The following FMN2 variants were observed in gnomAD, a reference collection of about 807,000 sequenced individuals.
FMN2 encodes formin 2, also known as formin-2.
FMN2 carries 51 observed loss-of-function variants against 142.3 expected under a neutral mutation model. The ratio of observed to expected loss-of-function variants is 0.36; its 90% CI spans 0.29 to 0.45. The LOEUF (loss-of-function observed/expected upper bound fraction) is 0.45. Among genes scored for constraint, FMN2 ranks in the 20% least tolerant of loss-of-function variants. FMN2 has a pLI of 1.00. For synonymous variants in FMN2, 882 were observed against 869.8 expected (o/e 1.01, Z -0.25); for missense variants, 1,936 against 2,122.8 (o/e 0.91, Z 1.73).
At chr1:240,352,640 C>T (rs765440039) in intron 13 of FMN2, among the ~76,000 whole-genome samples, 3 of 152,122 alleles carry the variant, frequency 2.0e-5, no homozygotes, top group African/African-American at 7.2e-5. Context: ...TGTCACCTGA[C>T]GTTGCTAGAA....
chr1:240,321,444 G>A (rs1670969831), intron 8 of FMN2, among the ~76,000 whole-genome samples: 1 of 152,124 alleles, frequency 6.6e-6, no homozygotes, highest in Non-Finnish European at 1.5e-5. Flanking sequence ...TTTATTTTTA[G>A]TAATCCAAAA....
chr1:240,185,973 G>T (rs913539214), intron 3 of FMN2, among the ~76,000 whole-genome samples: 2 of 152,190 alleles, frequency 1.3e-5, no homozygotes, highest in Non-Finnish European at 2.9e-5. Context: ...TAAGTTCAGA[G>T]TAGAGATTTG....
intron 7 of FMN2, among the ~76,000 whole-genome samples, chr1:240,289,429 A>T (rs1436867753): frequency 1.3e-5 from 2 of 152,168 alleles, no homozygotes; most frequent in African/African-American, 4.8e-5. Flanking sequence ...GCACTTTGGA[A>T]GCCTGAGGTG....
chr1:240,232,849 A>G (rs537610694), intron 6 of FMN2, among the ~76,000 whole-genome samples: 5 of 152,182 alleles, frequency 3.3e-5, no homozygotes, highest in African/African-American at 1.2e-4. Context: ...CCGCTAGGCC[A>G]CCCAGGACTT....
At chr1:240,447,529 C>T (rs1675867286) in intron 16 of FMN2, among the ~76,000 whole-genome samples, 1 of 152,166 alleles carries the variant, frequency 6.6e-6, no homozygotes, top group Non-Finnish European at 1.5e-5. Flanking sequence ...TGGTAAAAAA[C>T]ACAGACAGTA....
intron 14 of FMN2, among the ~76,000 whole-genome samples, chr1:240,388,491 A>G (rs915245818): frequency 6.6e-6 from 1 of 152,034 alleles, no homozygotes; most frequent in African/African-American, 2.4e-5. Context: ...AAGTATAAGC[A>G]TTTACAAAAA....
rs76082052 is a variant in FMN2 at position 240,331,160 on chromosome 1, A to G, written c.4584+411A>G. On this transcript the variant is annotated intron_variant, in intron 11 of 17. Transcript: ENST00000319653. ...TTGTCATGTTAAGCAATGAAGGCCA[A>G]TAGGTCCATATTTTGAAAATAACAC... Among the ~76,000 whole-genome samples the G allele has an allele frequency of 7.7e-4, 117 of 152,224 alleles. 1 individual carries two copies. Among genetic ancestry groups the G allele is most frequent in the African/African-American group, 2.2e-3 (92 of 41,560 alleles).
chr1:240,305,628 G>A (rs147688300), intron 8 of FMN2, among the ~76,000 whole-genome samples: 5 of 152,246 alleles, frequency 3.3e-5, no homozygotes, highest in East Asian at 1.9e-4. Context: ...ATAGTATTAC[G>A]TGGTTTGGAA....
At chr1:240,289,597 T>C (rs561414447) in intron 7 of FMN2, among the ~76,000 whole-genome samples, 4 of 152,188 alleles carry the variant, frequency 2.6e-5, no homozygotes, top group African/African-American at 7.2e-5. Context: ...AGAAGATTGC[T>C]TGAACCCAGG....
rs1162480611 is a variant in FMN2 at position 240,207,285 on chromosome 1, C to T, written c.2473C>T (p.Pro825Ser). The T allele has an allele frequency of 6.2e-6, 10 of 1,613,842 alleles. No individual in the cohort carries two copies. Among genetic ancestry groups the T allele is most frequent in the Non-Finnish European group, 8.5e-6 (10 of 1,179,936 alleles). The change falls in exon 5 of 18, where the codon CCT becomes TCT. Residue 825 changes from proline to serine, a missense_variant. Pro to Ser is a moderately conservative substitution (Grantham distance 74). Coordinates refer to ENST00000319653, the MANE Select transcript of FMN2 (RefSeq NM_020066.5). ...TCTGTGGTCTGCTGGGCAAGGACAG[C>T]CTGGGTCACAGCCGCCCCATTCTAT... ...SLLWSAGQGQ[P>S]GSQPPHSIST... is the part of the protein sequence containing the mutation.
intron 13 of FMN2, among the ~76,000 whole-genome samples, chr1:240,335,352 AT>A (rs1425207700): frequency 6.6e-6 from 1 of 152,148 alleles, no homozygotes; most frequent in Non-Finnish European, 1.5e-5. Flanking sequence ...TCTGTTTTTC[AT>A]ACAATAATAA....
intron 2 of FMN2, chr1:240,143,781 C>G: frequency 2.0e-6 from 3 of 1,511,982 alleles, no homozygotes; most frequent in Non-Finnish European, 2.8e-6. Flanking sequence ...GAAGTTACAT[C>G]TCCATTGCAG....
intron 2 of FMN2, among the ~76,000 whole-genome samples, chr1:240,175,394 G>C (rs1220940960): frequency 6.6e-6 from 1 of 152,106 alleles, no homozygotes; most frequent in East Asian, 1.9e-4. Context: ...AATTTTTTGA[G>C]GAACTGCCAT....
chr1:240,123,486 C>G (rs1330962837), intron 2 of FMN2, 141 bp downstream of exon 2: 3 of 401,786 alleles, frequency 7.5e-6, no homozygotes, highest in Non-Finnish European at 8.0e-6. Flanking sequence ...CTCAACAGCT[C>G]GGTATGTCTG....
chr1:240,219,966 T>C (rs1667045492), intron 6 of FMN2, among the ~76,000 whole-genome samples: 1 of 152,126 alleles, frequency 6.6e-6, no homozygotes. Context: ...GACAACGAAA[T>C]GGAAGATGTT....
chr1:240,252,974 G>T, intron 6 of FMN2, among the ~76,000 whole-genome samples: 1 of 17,146 alleles, frequency 5.8e-5, no homozygotes. Flanking sequence ...TTTTTTTGGA[G>T]ACAGAGTCTC....
At chr1:240,267,997 C>T (rs543933095) in intron 7 of FMN2, among the ~76,000 whole-genome samples, 10 of 151,894 alleles carry the variant, frequency 6.6e-5, no homozygotes, top group South Asian at 2.1e-4. Flanking sequence ...CAGATACTAG[C>T]GAGGCTGTGA....
intron 14 of FMN2, among the ~76,000 whole-genome samples, chr1:240,391,533 C>T (rs1673603867): frequency 2.6e-5 from 4 of 152,138 alleles, no homozygotes; most frequent in South Asian, 2.1e-4. Flanking sequence ...AAAAAGACAA[C>T]TTCTTCTTTA....
intron 4 of FMN2, among the ~76,000 whole-genome samples, chr1:240,192,105 C>T (rs1394530125): frequency 6.6e-6 from 1 of 152,184 alleles, no homozygotes; most frequent in Non-Finnish European, 1.5e-5. Context: ...CCTCATTGCC[C>T]AATCTAACTG....
Sources: allele counts gnomAD v4.1 joint callset (sites outside exome capture counted in the v4.1 genomes callset), GRCh38; gene constraint gnomAD v4.1.1; transcripts MANE v1.5; gene names NCBI Gene and HGNC (gene_info 2026-07-23, HGNC 2026-07-21).